DRD2: variants seen among roughly 807,000 people sequenced by gnomAD.
The protein encoded by DRD2 is dopamine receptor D2.
In DRD2, 8 loss-of-function variants were observed where a neutral mutation model predicts 38.0. That is an observed-to-expected ratio of 0.21 (90% CI 0.12 to 0.38). The LOEUF is 0.38. Among genes scored for constraint, DRD2 ranks in the 10% least tolerant of loss-of-function variants. DRD2 has a pLI of 1.00. For missense variants in DRD2, 403 were observed against 607.7 expected (o/e 0.66, Z 3.54); for synonymous variants, 230 against 238.6 (o/e 0.96, Z 0.33).
chr11:113,472,748 C>A (rs998967826), intron 1 of DRD2, among the ~76,000 whole-genome samples: 3 of 152,166 alleles, frequency 2.0e-5, no homozygotes, highest in African/African-American at 7.2e-5. Context: ...CAGATCACAG[C>A]ACATGCATAA....
intron 1 of DRD2, among the ~76,000 whole-genome samples, chr11:113,466,425 C>T (rs1951369320): frequency 1.8e-5 from 1 of 55,244 alleles, no homozygotes; most frequent in Admixed American, 2.3e-4. Context: ...TCCTCAACAG[C>T]CCCCCCAGTG....
Position 113,418,136 on chromosome 11 carries a change from C to T in DRD2, c.286G>A (p.Val96Met). Residue 96 changes from valine to methionine, a missense_variant and splice_region_variant, in exon 3 of 8, where the codon GTG becomes ATG. By Grantham distance (21) the Val-to-Met change is conservative. This residue lies in a region of DRD2 where 162 missense variants were observed against 254.5 expected (regional missense o/e 0.64). Transcript: ENST00000362072. ...LVMPWVVYLE[V>M]VGEWKFSRIH... ...CTGCTGAATTTCCACTCACCTACCA[C>T]CTGGGGACAAAGCAACATAATGGAT... The T allele has an allele frequency of 6.2e-7, 1 of 1,613,430 alleles. No individual in the cohort carries two copies. The highest frequency in any genetic ancestry group is 1.3e-5 in the African/African-American group (1 of 75,018).
Position 113,412,576 on chromosome 11 carries a change from T to C in DRD2, c.1118A>G (p.Gln373Arg). 4 of 1,613,906 alleles carry C rather than the reference T, an allele frequency of 2.5e-6. No individual in the cohort carries two copies. Among genetic ancestry groups the C allele is most frequent in the Non-Finnish European group, 2.5e-6 (3 of 1,180,034 alleles). Reference protein sequence around the residue: ...LSQQKEKKATQMLAIVLGVFI... With the variant: ...LSQQKEKKATRMLAIVLGVFI... ...CTCACCGAGAACAATGGCGAGCATC[T>C]GAGTGGCTTTCTTCTCCTTCTGCTG... The change falls in exon 7 of 8, where the codon CAG (glutamine) becomes CGG (arginine). Residue 373 changes from glutamine (Q) to arginine (R), a missense_variant. Gln to Arg is a conservative substitution (Grantham distance 43). This residue lies in a region of DRD2 where 67 missense variants were observed against 136.1 expected (regional missense o/e 0.49). Transcript: ENST00000362072.
chr11:113,433,168 G>A (rs1402200135), intron 1 of DRD2, among the ~76,000 whole-genome samples: 1 of 152,214 alleles, frequency 6.6e-6, no homozygotes, highest in East Asian at 1.9e-4. Context: ...GAGGAACCTG[G>A]AGCAATGGAC....
At chr11:113,436,592 C>T (rs1232369067) in intron 1 of DRD2, among the ~76,000 whole-genome samples, 1 of 151,898 alleles carries the variant, frequency 6.6e-6, no homozygotes, top group African/African-American at 2.4e-5. Context: ...AAATTATATG[C>T]TGTCTGGGAA....
At chr11:113,459,154 C>T (rs1235346280) in intron 1 of DRD2, among the ~76,000 whole-genome samples, 1 of 152,142 alleles carries the variant, frequency 6.6e-6, no homozygotes, top group Non-Finnish European at 1.5e-5. Context: ...TAATTTCTAT[C>T]TTTTATGGCT....
chr11:113,415,272 A>T, intron 5 of DRD2, 149 bp downstream of exon 5: 1 of 1,008,532 alleles, frequency 9.9e-7, no homozygotes, highest in South Asian at 2.4e-5. Flanking sequence ...ATGCCTTCAA[A>T]ATCTGCCCTT....
At chr11:113,456,980 G>A (rs1002127379) in intron 1 of DRD2, among the ~76,000 whole-genome samples, 1 of 152,106 alleles carries the variant, frequency 6.6e-6, no homozygotes, top group African/African-American at 2.4e-5. Context: ...GCAGCAAAAA[G>A]GAATGAATGG....
chr11:113,412,294 G>C (rs1359550295), intron 7 of DRD2, among the ~76,000 whole-genome samples: 1 of 152,194 alleles, frequency 6.6e-6, no homozygotes, highest in African/African-American at 2.4e-5. Context: ...CAAATTTCCA[G>C]ACTCTGGAGT....
At chr11:113,452,469 T>TGA (rs1210531875) in intron 1 of DRD2, among the ~76,000 whole-genome samples, 21 of 118,784 alleles carry the variant, frequency 1.8e-4, no homozygotes, top group Non-Finnish European at 5.0e-5. Flanking sequence ...TGTGTGTGTG[T>TGA]GCGCGCGCGC....
chr11:113,447,393 T>C (rs1446640202), intron 1 of DRD2, among the ~76,000 whole-genome samples: 1 of 151,696 alleles, frequency 6.6e-6, no homozygotes, highest in Non-Finnish European at 1.5e-5. Context: ...CACAGAATGC[T>C]TGGTATGGGC....
In DRD2 at chr11:113,424,357, G is replaced by T; in HGVS notation, c.285+10C>A. 1 of 1,613,756 alleles carries T rather than the reference G, an allele frequency of 6.2e-7. No homozygotes were observed. The highest frequency in any genetic ancestry group is 8.5e-7 in the Non-Finnish European group (1 of 1,179,862). Reference sequence around the variant, plus strand: ...GAGAAAGTGCTGGAGCAAGCAGGGGGCCCACCTACCTCCAGGTAGACAACC... The same window carrying T: ...GAGAAAGTGCTGGAGCAAGCAGGGGTCCCACCTACCTCCAGGTAGACAACC... On this transcript the variant is annotated intron_variant, in intron 2 of 7. Transcript: ENST00000362072.
intron 1 of DRD2, among the ~76,000 whole-genome samples, chr11:113,436,819 G>A (rs545300418): frequency 1.3e-5 from 2 of 152,266 alleles, no homozygotes; most frequent in South Asian, 4.2e-4. Context: ...ACAGATGGGT[G>A]CAAGCCAGGC....
chr11:113,446,526 A>G (rs181194929), intron 1 of DRD2, among the ~76,000 whole-genome samples: 5 of 152,182 alleles, frequency 3.3e-5, no homozygotes, highest in African/African-American at 1.2e-4. Context: ...TTCCTTTAAT[A>G]ACCTATGTCA....
intron 1 of DRD2, among the ~76,000 whole-genome samples, chr11:113,430,434 T>C (rs1319065270): frequency 6.6e-6 from 1 of 152,184 alleles, no homozygotes; most frequent in Non-Finnish European, 1.5e-5. Context: ...CATTGTAAAA[T>C]GCATTCTGAT....
chr11:113,429,891 TTAAG>T (rs1305081696), intron 1 of DRD2, among the ~76,000 whole-genome samples: 1 of 152,248 alleles, frequency 6.6e-6, no homozygotes, highest in African/African-American at 2.4e-5. Context: ...ATTGTGAGTA[TTAAG>T]TAAGATGACT....
chr11:113,424,010 C>T (rs893634548), intron 2 of DRD2, among the ~76,000 whole-genome samples: 1 of 152,116 alleles, frequency 6.6e-6, no homozygotes. Flanking sequence ...ACTTGCCAGC[C>T]GTGTGATGCT....
chr11:113,464,483 A>G (rs367806597), intron 1 of DRD2, among the ~76,000 whole-genome samples: 18 of 152,142 alleles, frequency 1.2e-4, no homozygotes, highest in African/African-American at 4.1e-4. Context: ...CTTTGGCACT[A>G]GCTCACTGTC....
intron 1 of DRD2, among the ~76,000 whole-genome samples, chr11:113,449,608 A>C (rs1168867065): frequency 6.6e-6 from 1 of 152,078 alleles, no homozygotes; most frequent in Non-Finnish European, 1.5e-5. Context: ...TAGATGAATA[A>C]ATGCTGGGCT....
Sources: allele counts gnomAD v4.1 joint callset (sites outside exome capture counted in the v4.1 genomes callset), GRCh38; gene constraint gnomAD v4.1.1; regional missense constraint gnomAD v4.1.1; transcripts MANE v1.5; gene names NCBI Gene and HGNC (gene_info 2026-07-23, HGNC 2026-07-21).